The following MAD1L1 variants were observed in gnomAD, a reference collection of about 807,000 sequenced individuals.
The protein encoded by MAD1L1 is mitotic arrest deficient 1 like 1, also known as mitotic spindle assembly checkpoint protein MAD1.
MAD1L1 carries 95 observed loss-of-function variants against 96.9 expected under a neutral mutation model. That is an observed-to-expected ratio of 0.98 (90% CI 0.83 to 1.16). MAD1L1 has a LOEUF of 1.16. MAD1L1 is among the 50% of genes most tolerant of loss of function. The probability of loss-of-function intolerance (pLI) is 0.00; values close to 1 mark genes in which losing one functional copy is unlikely to be tolerated. For synonymous variants in MAD1L1, 473 were observed against 396.6 expected, an observed-to-expected ratio of 1.19 and a Z score of -2.29; for missense variants, 1,007 against 954.4, an observed-to-expected ratio of 1.06 and a Z score of -0.73.
chr7:1,872,456 C>T (rs1258068124), intron 18 of MAD1L1, among the ~76,000 whole-genome samples: 1 of 152,234 alleles, frequency 6.6e-6, no homozygotes, highest in African/African-American at 2.4e-5. Context: ...AGGCCCTGAG[C>T]CTCAGGGCAG....
intron 11 of MAD1L1, among the ~76,000 whole-genome samples, chr7:2,078,095 T>C (rs1042940403): frequency 3.3e-5 from 5 of 152,136 alleles, no homozygotes; most frequent in Admixed American, 2.0e-4. Flanking sequence ...GAGCCGTCTC[T>C]GCCATCGAAG....
At chr7:1,952,402 C>T (rs1363544878) in intron 16 of MAD1L1, among the ~76,000 whole-genome samples, 3 of 152,214 alleles carry the variant, frequency 2.0e-5, no homozygotes, top group Non-Finnish European at 4.4e-5. Flanking sequence ...CCGCCAGGAC[C>T]TAACGTGGGT....
chr7:2,051,411 G>A (rs1414099918), intron 12 of MAD1L1, among the ~76,000 whole-genome samples: 5 of 152,224 alleles, frequency 3.3e-5, no homozygotes, highest in Admixed American at 2.0e-4. Context: ...TTGGCCTACA[G>A]GACAGAAGGG....
Position 1,842,313 on chromosome 7 carries a change from C to T in MAD1L1, c.1999-26085G>A, listed in dbSNP as rs540234218. Among the ~76,000 whole-genome samples, 340 of 152,284 alleles carry T rather than the reference C, an allele frequency of 2.2e-3. 2 individuals are homozygous for T. The highest frequency in any genetic ancestry group is 7.9e-3 in the African/African-American group (326 of 41,520). On this transcript the variant is annotated intron_variant, in intron 18 of 18. Transcript: ENST00000265854. ...GTGCTCCCGCTCCGTGTGGCCGCAG[C>T]CCCCGTGGCCCTGTGGAAACCCAGC...
chr7:1,971,550 T>A (rs191586402), intron 15 of MAD1L1, among the ~76,000 whole-genome samples: 1 of 152,112 alleles, frequency 6.6e-6, no homozygotes, highest in Non-Finnish European at 1.5e-5. Context: ...TTAAAATATA[T>A]ATTATATAAA....
At chr7:1,857,187 G>A (rs886501335) in intron 18 of MAD1L1, among the ~76,000 whole-genome samples, 3 of 152,206 alleles carry the variant, frequency 2.0e-5, no homozygotes, top group Non-Finnish European at 2.9e-5. Flanking sequence ...CCGCGAGCGC[G>A]GACCGTACTG....
intron 14 of MAD1L1, among the ~76,000 whole-genome samples, chr7:1,995,438 T>C (rs1781511275): frequency 6.6e-6 from 1 of 152,082 alleles, no homozygotes; most frequent in African/African-American, 2.4e-5. Context: ...CTCTCCACCC[T>C]GAGGACCAGG....
intron 18 of MAD1L1, among the ~76,000 whole-genome samples, chr7:1,839,068 GGCCAGCT>G (rs1279814992): frequency 6.6e-6 from 1 of 152,156 alleles, no homozygotes; most frequent in Non-Finnish European, 1.5e-5. Flanking sequence ...ACTCGCAGAT[GGCCAGCT>G]GCCTCCGTGC....
At position 1,817,245 on chromosome 7, in the gene MAD1L1, T is replaced by A. The variant is rs561588662; in HGVS notation, c.1999-1017A>T. ...TCCGCGTCGCTGGCGGGAGCGTGTG[T>A]GGTGCGGCCACTGCAAACAGCCGGC... On this transcript the variant is annotated intron_variant, in intron 18 of 18. Transcript: ENST00000265854. Among the ~76,000 whole-genome samples, 7 of 152,134 alleles carry A rather than the reference T, an allele frequency of 4.6e-5. No homozygotes were observed. In the South Asian group the frequency reaches 6.2e-4, roughly 14 times the overall value.
chr7:1,980,003 G>A (rs1328936647), intron 15 of MAD1L1, among the ~76,000 whole-genome samples: 1 of 152,224 alleles, frequency 6.6e-6, no homozygotes, highest in Non-Finnish European at 1.5e-5. Context: ...AACCTAGGTG[G>A]ATGGGATGGG....
intron 14 of MAD1L1, among the ~76,000 whole-genome samples, chr7:1,983,214 G>C (rs899489038): frequency 1.3e-5 from 2 of 151,088 alleles, no homozygotes; most frequent in African/African-American, 2.4e-5. Flanking sequence ...TGCAGTTGTT[G>C]GTGTCAATAC....
At chr7:2,205,084 C>CTTTT (rs56101356) in intron 10 of MAD1L1, among the ~76,000 whole-genome samples, 437 of 103,816 alleles carry the variant, frequency 4.2e-3, no homozygotes, top group African/African-American at 0.011. Flanking sequence ...AGGATCTTTT[C>CTTTT]TTTTTTTTTT....
At chr7:2,199,887 G>C (rs575596903) in intron 10 of MAD1L1, among the ~76,000 whole-genome samples, 1 of 152,370 alleles carries the variant, frequency 6.6e-6, no homozygotes, top group East Asian at 1.9e-4. Flanking sequence ...AGGTCAGCTG[G>C]ACCAGTCCCC....
chr7:2,097,888 G>A (rs1182050758), intron 11 of MAD1L1, among the ~76,000 whole-genome samples: 4 of 152,348 alleles, frequency 2.6e-5, no homozygotes, highest in East Asian at 3.9e-4. Flanking sequence ...AGCAAGGGAC[G>A]AGGGCCGGGA....
At chr7:1,983,150 GCGCGCACACACACACACACACA>G (rs1294295049) in intron 14 of MAD1L1, among the ~76,000 whole-genome samples, 2 of 93,220 alleles carry the variant, frequency 2.1e-5, no homozygotes, top group African/African-American at 8.1e-5. Context: ...GCGCGCGCGC[GCGCGCACACACACACACACACA>G]CACACACACA....
At chr7:2,107,261 G>T (rs888919782) in intron 11 of MAD1L1, among the ~76,000 whole-genome samples, 26 of 152,208 alleles carry the variant, frequency 1.7e-4, no homozygotes, top group African/African-American at 1.2e-4. Flanking sequence ...GCATCCGGTG[G>T]CAGGAAGCCC....
chr7:1,896,318 G>C (rs1583691154), intron 18 of MAD1L1, among the ~76,000 whole-genome samples: 1 of 152,250 alleles, frequency 6.6e-6, no homozygotes, highest in Non-Finnish European at 1.5e-5. Context: ...TGGGATCCTG[G>C]GCGGGCGGAT....
intron 17 of MAD1L1, among the ~76,000 whole-genome samples, chr7:1,915,320 G>C (rs1788309330): frequency 6.6e-6 from 1 of 152,184 alleles, no homozygotes; most frequent in African/African-American, 2.4e-5. Flanking sequence ...ACGGGGAGAT[G>C]GGAGGGGGAG....
chr7:1,855,123 C>G (rs1286417188), intron 18 of MAD1L1, among the ~76,000 whole-genome samples: 1 of 152,166 alleles, frequency 6.6e-6, no homozygotes, highest in Non-Finnish European at 1.5e-5. Context: ...CGCGTGTTTG[C>G]CGGCCGACAG....
Sources: gnomAD v4.1 joint callset for allele counts (sites outside exome capture counted in the v4.1 genomes callset) on GRCh38, gnomAD v4.1.1 for gene constraint, MANE v1.5 for transcripts, NCBI Gene and HGNC (gene_info 2026-07-23, HGNC 2026-07-21) for gene names.